The following SDK1 variants were observed in gnomAD, a reference collection of about 807,000 sequenced individuals.
SDK1 encodes sidekick cell adhesion molecule 1.
Under a neutral mutation model 245.5 loss-of-function variants are expected in SDK1, and 157 were observed. The ratio of observed to expected loss-of-function variants is 0.64; its 90% CI spans 0.56 to 0.73. The LOEUF (loss-of-function observed/expected upper bound fraction) is 0.73, where lower values mean the gene tolerates loss of function less well. Ranked by LOEUF, SDK1 falls within the 30% of genes least tolerant of loss-of-function variation. The pLI, the probability that SDK1 is intolerant of heterozygous loss-of-function variation, is 0.00. For synonymous variants in SDK1, 1,647 were observed against 1,278.5 expected, an observed-to-expected ratio of 1.29 and a Z score of -6.15; for missense variants, 3,583 against 3,002.3, an observed-to-expected ratio of 1.19 and a Z score of -4.52.
intron 5 of SDK1, among the ~76,000 whole-genome samples, chr7:3,907,607 G>C (rs1409709297): frequency 6.6e-6 from 1 of 152,136 alleles, no homozygotes; most frequent in Non-Finnish European, 1.5e-5. Context: ...GAGTCTCTAT[G>C]TTCAGTTCCC....
intron 1 of SDK1, among the ~76,000 whole-genome samples, chr7:3,459,052 A>C (rs1251671476): frequency 6.6e-6 from 1 of 152,188 alleles, no homozygotes; most frequent in Non-Finnish European, 1.5e-5. Context: ...AACTCTGCTC[A>C]GATTTCGAAT....
intron 1 of SDK1, among the ~76,000 whole-genome samples, chr7:3,450,169 A>G (rs1227951499): frequency 6.6e-6 from 1 of 152,230 alleles, no homozygotes; most frequent in Non-Finnish European, 1.5e-5. Context: ...ATTGGATCAT[A>G]TGTATGTGCA....
Position 4,130,106 on chromosome 7 carries a change from A to C in SDK1, c.4129+9A>C. The C allele has an allele frequency of 1.3e-6, 2 of 1,579,296 alleles. No homozygotes were observed. The highest frequency in any genetic ancestry group is 1.7e-6 in the Non-Finnish European group (2 of 1,156,696). ...GCGCACCAAAGACGATGGTAGGTCC[A>C]GGGTTCGCGCCTTCGGGAGCCTTGC... On this transcript the variant is annotated intron_variant, in intron 27 of 44. Transcript: ENST00000404826.
At chr7:4,021,675 G>A (rs971572627) in intron 17 of SDK1, among the ~76,000 whole-genome samples, 1 of 152,174 alleles carries the variant, frequency 6.6e-6, no homozygotes, top group African/African-American at 2.4e-5. Flanking sequence ...TTGTGCCTTG[G>A]GAACGAGTAT....
intron 4 of SDK1, among the ~76,000 whole-genome samples, chr7:3,794,904 C>T (rs1311632571): frequency 1.3e-5 from 2 of 151,418 alleles, no homozygotes; most frequent in African/African-American, 2.4e-5. Context: ...TAAACTTGGC[C>T]TTTAAGAAAA....
At chr7:3,587,837 G>A (rs555648627) in intron 1 of SDK1, among the ~76,000 whole-genome samples, 1 of 152,324 alleles carries the variant, frequency 6.6e-6, no homozygotes, top group East Asian at 1.9e-4. Flanking sequence ...CATCTAAATT[G>A]TAAGCTGCTC....
In SDK1 at chr7:4,026,369, G is replaced by A. The variant is rs1250259698; in HGVS notation, c.2602+9017G>A. Among the ~76,000 whole-genome samples the A allele has an allele frequency of 1.3e-5, 2 of 152,242 alleles. No individual in the cohort carries two copies. The highest frequency in any genetic ancestry group is 2.4e-5 in the African/African-American group (1 of 41,466). On this transcript the variant is annotated intron_variant, in intron 17 of 44. Transcript: ENST00000404826. The surrounding 1 kb of genome is among the most constrained non-coding windows in gnomAD (Gnocchi z 4.1). ...TAGAAGCTCAGCGTTTGGCATGGGC[G>A]AAGATATATTTTAGGAATGAAACTG... is the stretch of plus-strand genomic sequence containing the variant.
intron 4 of SDK1, among the ~76,000 whole-genome samples, chr7:3,764,215 T>C (rs1470769719): frequency 2.0e-5 from 3 of 152,186 alleles, no homozygotes; most frequent in African/African-American, 4.8e-5. Flanking sequence ...CATTGTAATA[T>C]TTTTGCTCCT....
chr7:3,383,807 G>A (rs1781546918), intron 1 of SDK1, among the ~76,000 whole-genome samples: 1 of 152,160 alleles, frequency 6.6e-6, no homozygotes, highest in East Asian at 1.9e-4. Flanking sequence ...TTTAACTAGA[G>A]TAGTCCTTTC....
At chr7:3,880,069 C>G (rs1368422498) in intron 5 of SDK1, among the ~76,000 whole-genome samples, 1 of 152,084 alleles carries the variant, frequency 6.6e-6, no homozygotes, top group African/African-American at 2.4e-5. Flanking sequence ...CGCCTTAATC[C>G]TGGATGCCAA....
At chr7:4,091,825 A>G (rs1233480865) in intron 22 of SDK1, among the ~76,000 whole-genome samples, 1 of 152,184 alleles carries the variant, frequency 6.6e-6, no homozygotes, top group Non-Finnish European at 1.5e-5. Context: ...GTCCAGGGAA[A>G]GAACAGTTCT....
chr7:4,013,969 C>T (rs1786184489), intron 16 of SDK1, among the ~76,000 whole-genome samples: 1 of 152,246 alleles, frequency 6.6e-6, no homozygotes, highest in Non-Finnish European at 1.5e-5. Context: ...CAGAAAACAG[C>T]CCCGTGTCCC....
At chr7:3,314,011 A>G (rs1046100435) in intron 1 of SDK1, among the ~76,000 whole-genome samples, 1 of 152,210 alleles carries the variant, frequency 6.6e-6, no homozygotes. Flanking sequence ...ATAGTGATCA[A>G]TAACAGTTGC....
At chr7:4,071,945 G>T (rs949348758) in intron 20 of SDK1, among the ~76,000 whole-genome samples, 3 of 152,144 alleles carry the variant, frequency 2.0e-5, no homozygotes, top group African/African-American at 7.2e-5. Flanking sequence ...CCCCTGCCCT[G>T]CCCTTTGTGA....
intron 17 of SDK1, among the ~76,000 whole-genome samples, chr7:4,029,751 C>T (rs1787647794): frequency 6.6e-6 from 1 of 152,174 alleles, no homozygotes; most frequent in South Asian, 2.1e-4. Context: ...CCGTCTGTGA[C>T]TTGGAGCAAA....
chr7:4,155,491 A>C (rs926950026), intron 30 of SDK1, among the ~76,000 whole-genome samples: 5 of 152,236 alleles, frequency 3.3e-5, no homozygotes, highest in Non-Finnish European at 7.3e-5. Flanking sequence ...AGGAGCTTGC[A>C]GTGTGGCTCC....
intron 4 of SDK1, among the ~76,000 whole-genome samples, chr7:3,756,267 C>T (rs1424736639): frequency 1.3e-5 from 2 of 150,052 alleles, no homozygotes; most frequent in African/African-American, 2.5e-5. Context: ...TGGCATAGCA[C>T]GTGTGACACA....
chr7:3,489,089 T>A (rs756267064), intron 1 of SDK1, among the ~76,000 whole-genome samples: 57 of 152,250 alleles, frequency 3.7e-4, no homozygotes, highest in Middle Eastern at 6.8e-3. Context: ...AGGCTAGCGA[T>A]ACAGAGTGGG....
At chr7:3,381,816 G>T (rs565036999) in intron 1 of SDK1, among the ~76,000 whole-genome samples, 1 of 152,276 alleles carries the variant, frequency 6.6e-6, no homozygotes, top group South Asian at 2.1e-4. Context: ...TCCAGTCATG[G>T]TTAGAGAACC....
Sources: gnomAD v4.1 joint callset for allele counts (sites outside exome capture counted in the v4.1 genomes callset) on GRCh38, gnomAD v4.1.1 for gene constraint, Gnocchi (gnomAD v3.1) non-coding constraint, MANE v1.5 for transcripts, NCBI Gene and HGNC (gene_info 2026-07-23, HGNC 2026-07-21) for gene names.